The following ADGRV1 variants were observed in gnomAD, a reference collection of about 807,000 sequenced individuals.
ADGRV1 encodes G-protein coupled receptor 98.
Under a neutral mutation model 596.2 loss-of-function variants are expected in ADGRV1, and 359 were observed. That is an observed-to-expected ratio of 0.60 (90% CI 0.55 to 0.66). The LOEUF (loss-of-function observed/expected upper bound fraction) is 0.66. Among genes scored for constraint, ADGRV1 ranks in the 30% least tolerant of loss-of-function variants. The pLI is 0.00. For synonymous variants in ADGRV1, 2,681 were observed against 2,679.2 expected (o/e 1.00, Z -0.02); for missense variants, 7,274 against 7,575.6 (o/e 0.96, Z 1.48).
At chr5:90,904,838 A>G (rs1007846626) in intron 83 of ADGRV1, among the ~76,000 whole-genome samples, 10 of 151,992 alleles carry the variant, frequency 6.6e-5, no homozygotes, top group Non-Finnish European at 1.2e-4. Context: ...AGTTTCCCCA[A>G]TGTTATCTTG....
In ADGRV1 at chr5:90,756,560, T is replaced by A. The variant is rs1246088013; in HGVS notation, c.11687T>A (p.Met3896Lys). The A allele has an allele frequency of 3.1e-6, 5 of 1,613,566 alleles. No homozygotes were observed. In the African/African-American group the frequency reaches 6.7e-5, roughly 22 times the overall value. The change falls in exon 56 of 90, where the codon ATG (methionine) becomes AAG (lysine). Residue 3896 changes from methionine (M) to lysine (K), a missense_variant. Physicochemically the swap from Met to Lys is moderately conservative, Grantham distance 95 (BLOSUM62 -1). Around this residue, in one of 5 missense-constraint regions of ADGRV1, gnomAD observed 3,643 missense variants for 3,809.2 expected, o/e 0.96. Transcript: ENST00000405460. ...CAGCCAAGTGTGCGGAGGCCCGGAATGGAAATAGCTGAGATAATGATAGAA... is the reference window on the plus strand; with the variant it reads ...CAGCCAAGTGTGCGGAGGCCCGGAAAGGAAATAGCTGAGATAATGATAGAA... ...TGQPSVRRPGMEIAEIMIEEN... is the reference protein window; with the variant it reads ...TGQPSVRRPGKEIAEIMIEEN...
intron 87 of ADGRV1, among the ~76,000 whole-genome samples, chr5:91,136,806 C>T (rs1484591870): frequency 6.6e-6 from 1 of 152,118 alleles, no homozygotes; most frequent in Non-Finnish European, 1.5e-5. Flanking sequence ...TTTAAACCAC[C>T]CTGTTCTTTA....
chr5:90,905,243 G>A (rs868454542), intron 83 of ADGRV1, among the ~76,000 whole-genome samples: 2 of 151,890 alleles, frequency 1.3e-5, no homozygotes, highest in African/African-American at 2.4e-5. Flanking sequence ...TCCATATAAA[G>A]TTTAGGATTT....
intron 83 of ADGRV1, among the ~76,000 whole-genome samples, chr5:90,919,347 G>A (rs1581510519): frequency 6.6e-6 from 1 of 152,142 alleles, no homozygotes; most frequent in Admixed American, 6.5e-5. Flanking sequence ...TAGACAGATG[G>A]TATTTAGATA....
At chr5:90,689,546 T>A (rs11959430) in intron 29 of ADGRV1, among the ~76,000 whole-genome samples, 1 of 152,028 alleles carries the variant, frequency 6.6e-6, no homozygotes, top group Non-Finnish European at 1.5e-5. Context: ...TTCTTGTAGT[T>A]AAGGGGGCCT....
chr5:90,628,318 A>C (rs1193352643), intron 7 of ADGRV1, among the ~76,000 whole-genome samples: 1 of 152,126 alleles, frequency 6.6e-6, no homozygotes, highest in African/African-American at 2.4e-5. Flanking sequence ...AGGCTAATGC[A>C]GGAGGATTGC....
At chr5:91,133,829 C>T (rs190390293) in intron 87 of ADGRV1, among the ~76,000 whole-genome samples, 1 of 152,272 alleles carries the variant, frequency 6.6e-6, no homozygotes, top group East Asian at 1.9e-4. Context: ...GAAGTTGCCC[C>T]ATCACACAGT....
At chr5:91,119,377 T>C (rs1793116545) in intron 87 of ADGRV1, among the ~76,000 whole-genome samples, 1 of 152,054 alleles carries the variant, frequency 6.6e-6, no homozygotes, top group African/African-American at 2.4e-5. Flanking sequence ...AGAAGAAAAA[T>C]GTAGGCACAC....
chr5:90,675,151 G>T, intron 23 of ADGRV1, 92 bp from the exon 24 acceptor site: 1 of 1,112,684 alleles, frequency 9.0e-7, no homozygotes, highest in Non-Finnish European at 1.2e-6. Flanking sequence ...TTGGCCTGGT[G>T]ATCAAAATAA....
chr5:91,130,024 T>C (rs1175767589), intron 87 of ADGRV1, among the ~76,000 whole-genome samples: 2 of 152,166 alleles, frequency 1.3e-5, no homozygotes, highest in Non-Finnish European at 2.9e-5. Flanking sequence ...CCTTGCTGCC[T>C]CCCTGATTTT....
At chr5:90,838,145 A>G (rs918956956) in intron 77 of ADGRV1, among the ~76,000 whole-genome samples, 14 of 152,272 alleles carry the variant, frequency 9.2e-5, no homozygotes, top group African/African-American at 2.6e-4. Flanking sequence ...GAATATTTTA[A>G]TGTATCCATT....
Position 91,072,577 on chromosome 5 carries a change from G to A in ADGRV1, c.18283G>A (p.Val6095Ile), listed in dbSNP as rs1277615794. 1.2e-6 allele frequency: 2 copies of A among 1,613,778 alleles called. No homozygotes were observed. The highest frequency in any genetic ancestry group is 1.7e-6 in the Non-Finnish European group (2 of 1,179,724). ...GCCACAGTGGAAAGCATATGATGAT[G>A]TCTTCAGAGGAAGGACAAATGCTGC... ...VKPQWKAYDD[V>I]FRGRTNAAEI... The change falls in exon 86 of 90, where the codon GTC becomes ATC. Residue 6095 changes from valine to isoleucine, a missense_variant. Val to Ile is a conservative substitution (Grantham distance 29). Coordinates refer to ENST00000405460, the MANE Select transcript of ADGRV1 (RefSeq NM_032119.4).
intron 39 of ADGRV1, among the ~76,000 whole-genome samples, chr5:90,709,789 AATT>A (rs1280827245): frequency 6.6e-6 from 1 of 152,228 alleles, no homozygotes; most frequent in Non-Finnish European, 1.5e-5. Flanking sequence ...ATTACAAGAT[AATT>A]ATTATTCACA....
At chr5:90,993,348 G>A (rs1304358851) in intron 85 of ADGRV1, among the ~76,000 whole-genome samples, 9 of 151,714 alleles carry the variant, frequency 5.9e-5, no homozygotes, top group Non-Finnish European at 5.9e-5. Flanking sequence ...TAGTAGAGAC[G>A]GGGTTTCACC....
intron 25 of ADGRV1, among the ~76,000 whole-genome samples, chr5:90,679,193 GTA>G (rs1554080219): frequency 2.4e-4 from 37 of 152,178 alleles, no homozygotes; most frequent in Non-Finnish European, 4.7e-4. Context: ...AGGCCTAAGT[GTA>G]TGATTATATA....
chr5:90,711,868 C>T (rs916251758), intron 41 of ADGRV1, among the ~76,000 whole-genome samples: 3 of 152,124 alleles, frequency 2.0e-5, no homozygotes, highest in Non-Finnish European at 4.4e-5. Flanking sequence ...CCTCCACCTC[C>T]CAGGTTCAAG....
chr5:91,041,159 A>G (rs1029545693), intron 85 of ADGRV1, among the ~76,000 whole-genome samples: 5 of 152,340 alleles, frequency 3.3e-5, no homozygotes, highest in African/African-American at 1.2e-4. Context: ...AGGATTATAA[A>G]TCATTCTACT....
intron 83 of ADGRV1, among the ~76,000 whole-genome samples, chr5:90,921,347 G>A (rs1773858283): frequency 6.6e-6 from 1 of 151,530 alleles, no homozygotes; most frequent in Non-Finnish European, 1.5e-5. Flanking sequence ...ATTGCTTTTG[G>A]TTTCTGGGGG....
intron 77 of ADGRV1, among the ~76,000 whole-genome samples, chr5:90,831,021 A>C (rs1288660488): frequency 1.3e-5 from 2 of 152,094 alleles, no homozygotes; most frequent in Non-Finnish European, 2.9e-5. Flanking sequence ...AACATTGGCT[A>C]TTCCTGGGTC....
Sources: gnomAD v4.1 joint callset for allele counts (sites outside exome capture counted in the v4.1 genomes callset) on GRCh38, gnomAD v4.1.1 for gene constraint, gnomAD v4.1.1 regional missense constraint, MANE v1.5 for transcripts, NCBI Gene and HGNC (gene_info 2026-07-23, HGNC 2026-07-21) for gene names.